Variants in ST3GAL4 observed in about 807,000 individuals in gnomAD.
The protein encoded by ST3GAL4 is CMP-N-acetylneuraminate-beta-galactosamide-alpha-2,3-sialyltransferase 4.
A neutral mutation model predicts 42.6 loss-of-function variants in ST3GAL4; 24 were observed. The ratio of observed to expected loss-of-function variants is 0.56; its 90% CI spans 0.41 to 0.79. The LOEUF is 0.79. ST3GAL4 is among the 30% of genes least tolerant of loss of function. The probability of loss-of-function intolerance (pLI) is 0.00; values close to 1 mark genes in which losing one functional copy is unlikely to be tolerated. For synonymous variants in ST3GAL4, 135 were observed against 163.2 expected, an observed-to-expected ratio of 0.83 and a Z score of 1.32; for missense variants, 311 against 430.8, an observed-to-expected ratio of 0.72 and a Z score of 2.46.
At chr11:126,407,532 GCTAT>G in intron 5 of ST3GAL4, 38 bp from the exon 6 acceptor site, 1 of 1,612,800 alleles carries the variant, frequency 6.2e-7, no homozygotes. Context: ...CCTTCAGAAT[GCTAT>G]CTGTCACATC....
In ST3GAL4 at chr11:126,371,163, C is replaced by CTTATTTTTTTTTTTTTTTTTT. The variant is rs1555082244; in HGVS notation, c.-61+15323_-61+15324insATTTTTTTTTTTTTTTTTTTT. Among the ~76,000 whole-genome samples, 73 of 59,962 alleles carry CTTATTTTTTTTTTTTTTTTTT rather than the reference C, an allele frequency of 1.2e-3. 5 individuals carry two copies. Among genetic ancestry groups the CTTATTTTTTTTTTTTTTTTTT allele is most frequent in the Middle Eastern group, 0.018 (1 of 56 alleles). The allele number at this position is 59,962 out of a possible 152,430, so 39.3% of individuals were successfully genotyped here. A position where few individuals can be genotyped will look rare whatever the true frequency, so the allele number is the denominator to read the frequency against. On this transcript the variant is annotated intron_variant, in intron 1 of 10. Transcript: ENST00000444328. ...ATCTATTCTATTCTTCCCCACATTCCTTTTTTTTTTTTTTTTTTTGAGATG... is the reference window on the plus strand; with the variant it reads ...ATCTATTCTATTCTTCCCCACATTCCTTATTTTTTTTTTTTTTTTTTTTTTTTTTTTTTTTTTTTTGAGATG...
chr11:126,387,711 A>G (rs1953284823), intron 1 of ST3GAL4, among the ~76,000 whole-genome samples: 1 of 152,154 alleles, frequency 6.6e-6, no homozygotes, highest in African/African-American at 2.4e-5. Context: ...AGCAGTACAA[A>G]TGGGAATATG....
Position 126,355,957 on chromosome 11 carries a change from C to T in ST3GAL4, c.-61+115C>T, listed in dbSNP as rs544313910. The T allele has an allele frequency of 6.6e-6, 1 of 151,582 alleles. No homozygotes were observed. The highest frequency in any genetic ancestry group is 2.4e-5 in the African/African-American group (1 of 41,502). 9.4% of individuals were successfully genotyped at this position (151,582 alleles called of 1,614,324 possible). Reference sequence around the variant, plus strand: ...CCGCGCCTCCCGGAGGGGGTCGGGCCCTGCACGTGGGCGCAGCGCGGGTCG... The same window carrying T: ...CCGCGCCTCCCGGAGGGGGTCGGGCTCTGCACGTGGGCGCAGCGCGGGTCG... On this transcript the variant is annotated intron_variant, in intron 1 of 10. Coordinates refer to ENST00000444328, the MANE Select transcript of ST3GAL4 (RefSeq NM_001254757.2). This position sits in a 1 kb window ranked among gnomAD's most constrained non-coding sequence, Gnocchi z 7.1.
intron 1 of ST3GAL4, among the ~76,000 whole-genome samples, chr11:126,389,198 T>G (rs1402235870): frequency 2.0e-5 from 3 of 152,238 alleles, no homozygotes; most frequent in Non-Finnish European, 4.4e-5. Flanking sequence ...CTTGTTTAGC[T>G]TCTCAATTTA....
chr11:126,402,573 C>G (rs1954054289), intron 1 of ST3GAL4, among the ~76,000 whole-genome samples: 2 of 152,198 alleles, frequency 1.3e-5, no homozygotes, highest in Admixed American at 1.3e-4. Flanking sequence ...TCCCAGACCC[C>G]TTCCCCGGAA....
rs1241767445 is a variant in ST3GAL4, at chr11:126,358,632, C to A, written c.-61+2790C>A. On this transcript the variant is annotated intron_variant, in intron 1 of 10. Transcript: ENST00000444328. ...GTGCTGGTCAGCTTTCTGACTGGAG[C>A]CCCTGAGCCCTGCAGGGGCTGAATT... is the stretch of plus-strand genomic sequence containing the variant. The A allele has an allele frequency of 1.8e-5, 5 of 284,668 alleles. No homozygotes were observed. The Admixed American group carries it at 1.8e-4, about 10-fold the overall frequency. The allele number at this position is 284,668 out of a possible 1,614,324, so 17.6% of individuals were successfully genotyped here.
intron 1 of ST3GAL4, among the ~76,000 whole-genome samples, chr11:126,395,773 C>T (rs1953723787): frequency 6.6e-6 from 1 of 152,170 alleles, no homozygotes; most frequent in Non-Finnish European, 1.5e-5. Flanking sequence ...GTCAGGCCTC[C>T]CCAGCCACGT....
chr11:126,373,091 G>A lies in ST3GAL4; in HGVS notation c.-61+17249G>A, dbSNP rs1952715839. ...GTACCTGACTTGTTTAAAGCCTGAT[G>A]TCTTGAGTACTGTGCACCCCTGTGC... On this transcript the variant is annotated intron_variant, in intron 1 of 10. Coordinates refer to ENST00000444328, the MANE Select transcript of ST3GAL4 (RefSeq NM_001254757.2). This position sits in a 1 kb window ranked among gnomAD's most constrained non-coding sequence, Gnocchi z 5.5. Among the ~76,000 whole-genome samples, 1 of 152,228 alleles carries A rather than the reference G, an allele frequency of 6.6e-6. No homozygotes were observed. Among genetic ancestry groups the A allele is most frequent in the Admixed American group, 6.5e-5 (1 of 15,280 alleles).
Position 126,363,895 on chromosome 11 carries a change from G to T in ST3GAL4, c.-61+8053G>T, listed in dbSNP as rs576419777. Among the ~76,000 whole-genome samples the T allele has an allele frequency of 1.4e-4, 22 of 152,174 alleles. No individual in the cohort carries two copies. Among genetic ancestry groups the T allele is most frequent in the African/African-American group, 5.3e-4 (22 of 41,452 alleles). ...ACCCTCCCAGGCCCGGCACCGTGTC[G>T]CCCTGCCCCAGCCCAGAGCTTGCCT... On this transcript the variant is annotated intron_variant, in intron 1 of 10. Transcript: ENST00000444328. The surrounding 1 kb of genome is among the most constrained non-coding windows in gnomAD (Gnocchi z 4.6).
At chr11:126,377,113 A>T (rs188259530) in intron 1 of ST3GAL4, among the ~76,000 whole-genome samples, 5 of 152,262 alleles carry the variant, frequency 3.3e-5, no homozygotes, top group Non-Finnish European at 1.5e-5. Flanking sequence ...TGAAAAACCC[A>T]TGTGTGTTCT....
At chr11:126,381,434 G>A (rs1952997502) in intron 1 of ST3GAL4, among the ~76,000 whole-genome samples, 3 of 151,680 alleles carry the variant, frequency 2.0e-5, no homozygotes, top group Non-Finnish European at 2.9e-5. Context: ...ACCAGGGGCT[G>A]TGGGCAGAGG....
At chr11:126,371,649 G>C (rs78728547) in intron 1 of ST3GAL4, among the ~76,000 whole-genome samples, 3 of 152,194 alleles carry the variant, frequency 2.0e-5, no homozygotes, top group Non-Finnish European at 4.4e-5. Context: ...ATTCAGTTGC[G>C]TGAATGTAGC....
intron 1 of ST3GAL4, among the ~76,000 whole-genome samples, chr11:126,370,562 A>C (rs762492916): frequency 4.0e-5 from 6 of 151,602 alleles, no homozygotes; most frequent in African/African-American, 7.3e-5. Flanking sequence ...TTAGTTTTTT[A>C]CTCTTTTAAG....
intron 1 of ST3GAL4, chr11:126,375,240 C>G (rs568635693): frequency 6.6e-6 from 1 of 152,410 alleles, no homozygotes; most frequent in East Asian, 1.9e-4. Context: ...GCCTTGAACA[C>G]ATACTGCAGA....
Position 126,379,406 on chromosome 11 carries a change from TG to T in ST3GAL4, c.-61+23565del, listed in dbSNP as rs1282662386. Among the ~76,000 whole-genome samples, 2 of 152,188 alleles carry T rather than the reference TG, an allele frequency of 1.3e-5. No homozygotes were observed. The highest frequency in any genetic ancestry group is 2.9e-5 in the Non-Finnish European group (2 of 68,026). The stretch of plus-strand genomic sequence containing the variant: ...TCTTGTTTCATTGTCTTGGGAAAGC[TG>T]TGTCTATTTCATGATATCATCTACT... On this transcript the variant is annotated intron_variant, in intron 1 of 10. Transcript: ENST00000444328. This position sits in a 1 kb window ranked among gnomAD's most constrained non-coding sequence, Gnocchi z 4.2.
chr11:126,396,952 CTT>C lies in ST3GAL4; in HGVS notation c.-60-9142_-60-9141del, dbSNP rs974793938. Reference sequence around the variant, plus strand: ...CAGCATTTGGAAATGTCTGGAAACACTTTGTCACACCTGAGAAGAGGGATTTC... The same window carrying C: ...CAGCATTTGGAAATGTCTGGAAACACTGTCACACCTGAGAAGAGGGATTTC... On this transcript the variant is annotated intron_variant, in intron 1 of 10. Transcript: ENST00000444328. This position sits in a 1 kb window ranked among gnomAD's most constrained non-coding sequence, Gnocchi z 5.8. Among the ~76,000 whole-genome samples, 46 of 152,154 alleles carry C rather than the reference CTT, an allele frequency of 3.0e-4. No homozygotes were observed. The highest frequency in any genetic ancestry group is 1.1e-3 in the African/African-American group (44 of 41,452).
rs538606929 is a variant in ST3GAL4 at position 126,389,624 on chromosome 11, C to T, written c.-60-16472C>T. ...TGTCACCCAGGCTGGAGTATAGTGG[C>T]GCGATCATAGCTCGCTGCAACCTCT... On this transcript the variant is annotated intron_variant, in intron 1 of 10. Transcript: ENST00000444328. 7.9e-5 allele frequency among the ~76,000 whole-genome samples: 12 copies of T among 152,234 alleles called. 1 individual carries two copies. Among genetic ancestry groups the T allele is most frequent in the Non-Finnish European group, 1.3e-4 (9 of 68,012 alleles).
Position 126,414,099 on chromosome 11 carries a change from C to A in ST3GAL4, c.*52C>A. 1 of 1,584,250 alleles carries A rather than the reference C, an allele frequency of 6.3e-7. No homozygotes were observed. Among genetic ancestry groups the A allele is most frequent in the Non-Finnish European group, 8.7e-7 (1 of 1,152,858 alleles). On this transcript the variant is annotated 3_prime_UTR_variant, in exon 11 of 11. Coordinates refer to ENST00000444328, the MANE Select transcript of ST3GAL4 (RefSeq NM_001254757.2). ...TTGCCTACTCTGCTGTCTGGGTGAC[C>A]CCCATGCGTGGCTGTGGGGGTGGCT...
intron 1 of ST3GAL4, among the ~76,000 whole-genome samples, chr11:126,380,573 T>C (rs947784042): frequency 1.3e-5 from 2 of 152,220 alleles, no homozygotes; most frequent in African/African-American, 4.8e-5. Flanking sequence ...TCTGTTAATT[T>C]AGCTAATTTT....
Sources: allele counts gnomAD v4.1 joint callset (sites outside exome capture counted in the v4.1 genomes callset), GRCh38; gene constraint gnomAD v4.1.1; non-coding constraint Gnocchi (gnomAD v3.1); transcripts MANE v1.5; gene names NCBI Gene and HGNC (gene_info 2026-07-23, HGNC 2026-07-21).